Variants in RGS12 observed in about 807,000 individuals in gnomAD.
The protein encoded by RGS12 is regulator of G-protein signaling 12.
RGS12 carries 66 observed loss-of-function variants against 120.1 expected under a neutral mutation model. The ratio of observed to expected loss-of-function variants is 0.55; its 90% CI spans 0.45 to 0.67. The LOEUF (loss-of-function observed/expected upper bound fraction) is 0.67. Ranked by LOEUF, RGS12 falls within the 30% of genes least tolerant of loss-of-function variation. The pLI, the probability that RGS12 is intolerant of heterozygous loss-of-function variation, is 0.00. For synonymous variants in RGS12, 827 were observed against 804.7 expected (o/e 1.03, Z -0.47); for missense variants, 1,859 against 1,957.7 (o/e 0.95, Z 0.95).
intron 1 of RGS12, among the ~76,000 whole-genome samples, chr4:3,309,412 C>T (rs1236573167): frequency 7.2e-6 from 1 of 137,966 alleles, no homozygotes; most frequent in Admixed American, 7.2e-5. Flanking sequence ...TGGCAGGTGT[C>T]CGCTGAGGGG....
rs1389923750 is a variant in RGS12 at position 3,365,805 on chromosome 4, T to C, written c.1999-20611T>C. 6.6e-6 allele frequency among the ~76,000 whole-genome samples: 1 copy of C among 152,186 alleles called. No individual in the cohort carries two copies. Among genetic ancestry groups the C allele is most frequent in the Non-Finnish European group, 1.5e-5 (1 of 68,020 alleles). On this transcript the variant is annotated intron_variant, in intron 3 of 17. Transcript: ENST00000336727. The surrounding 1 kb of genome is among the most constrained non-coding windows in gnomAD (Gnocchi z 4.0). Reference sequence around the variant, plus strand: ...CAGTCTGCTTTTTAAACCCATTATATGGGAAATTTTCTGAACTGTCCTTAA... The same window carrying C: ...CAGTCTGCTTTTTAAACCCATTATACGGGAAATTTTCTGAACTGTCCTTAA...
chr4:3,357,874 T>C (rs1432584606), intron 3 of RGS12, among the ~76,000 whole-genome samples: 1 of 152,180 alleles, frequency 6.6e-6, no homozygotes, highest in Non-Finnish European at 1.5e-5. Flanking sequence ...GGATGGGTTT[T>C]TCTATTTCTG....
intron 3 of RGS12, among the ~76,000 whole-genome samples, chr4:3,378,009 T>C (rs987501615): frequency 4.6e-5 from 7 of 152,226 alleles, no homozygotes; most frequent in Admixed American, 6.5e-5. Context: ...GGCTTTGTTT[T>C]TGTGGCTGTA....
At chr4:3,394,382 C>T (rs549655751) in intron 4 of RGS12, among the ~76,000 whole-genome samples, 116 of 152,228 alleles carry the variant, frequency 7.6e-4, no homozygotes, top group African/African-American at 2.8e-3. Flanking sequence ...AGGCTGGTCT[C>T]GAACTCCTGA....
intron 4 of RGS12, among the ~76,000 whole-genome samples, chr4:3,411,681 C>T (rs556455875): frequency 1.3e-5 from 2 of 152,370 alleles, no homozygotes; most frequent in East Asian, 3.9e-4. Context: ...TCCAAGGACC[C>T]CTGCCCCAGA....
At chr4:3,323,272 A>C (rs1393100286) in intron 2 of RGS12, among the ~76,000 whole-genome samples, 2 of 152,192 alleles carry the variant, frequency 1.3e-5, no homozygotes, top group Non-Finnish European at 2.9e-5. Flanking sequence ...GTGGGTGCTC[A>C]TCATCTCATT....
At chr4:3,288,913 C>T (rs911103938), upstream of RGS12, among the ~76,000 whole-genome samples, 2 of 152,178 alleles carry the variant, frequency 1.3e-5, no homozygotes, top group Admixed American at 6.5e-5. The surrounding 1 kb of genome is among the most constrained non-coding windows in gnomAD (Gnocchi z 5.2). Flanking sequence ...CCCACCCCTA[C>T]GAGCCCCATT....
chr4:3,309,769 G>A lies in RGS12; in HGVS notation c.-101-6301G>A, dbSNP rs1206014220. ...CTGAGCAGGAGAGGAGCTGGGACTC[G>A]GGAATGGCAGGTGTCTGCTGAGGGG... On this transcript the variant is annotated intron_variant, in intron 1 of 17. Transcript: ENST00000336727. Among the ~76,000 whole-genome samples the A allele has an allele frequency of 3.5e-5, 5 of 142,090 alleles. No individual in the cohort carries two copies. The South Asian group carries it at 7.1e-4, about 20-fold the overall frequency. 93.2% of individuals were successfully genotyped at this position (142,090 alleles called of 152,430 possible).
intron 3 of RGS12, 190 bp from the exon 4 acceptor site, chr4:3,386,226 G>C: frequency 3.2e-6 from 2 of 624,078 alleles, no homozygotes; most frequent in East Asian, 2.7e-5. Context: ...GTGTCACCTA[G>C]TTTGGGCGGA....
chr4:3,358,951 C>T lies in RGS12; in HGVS notation c.1998+15898C>T, dbSNP rs114027167. On this transcript the variant is annotated intron_variant, in intron 3 of 17. Coordinates refer to ENST00000336727, the MANE Select transcript of RGS12 (RefSeq NM_001394154.1). The stretch of plus-strand genomic sequence containing the variant: ...CCTCCTCCTCCCCTTCCTCCCCCTC[C>T]CCTTCTTCCTCCTCCTCCCCTCCTC... 5.9e-3 allele frequency among the ~76,000 whole-genome samples: 458 copies of T among 77,228 alleles called. 12 individuals are homozygous for T. Among genetic ancestry groups the T allele is most frequent in the African/African-American group, 0.024 (407 of 17,092 alleles). The allele number at this position is 77,228 out of a possible 152,430, so 50.7% of individuals were successfully genotyped here.
chr4:3,311,909 C>T (rs1724425819), intron 1 of RGS12, among the ~76,000 whole-genome samples: 4 of 152,304 alleles, frequency 2.6e-5, no homozygotes, highest in South Asian at 2.1e-4. Context: ...TGGGGACCTT[C>T]GTGTCACATC....
At chr4:3,293,414 C>G (rs914350339) in intron 1 of RGS12, among the ~76,000 whole-genome samples, 23 of 148,194 alleles carry the variant, frequency 1.6e-4, no homozygotes, top group Middle Eastern at 6.8e-3. Flanking sequence ...TGAGGCCCGC[C>G]CGGGCCCTTG....
chr4:3,437,881 G>A (rs1006528271), intron 17 of RGS12, among the ~76,000 whole-genome samples: 11 of 152,294 alleles, frequency 7.2e-5, no homozygotes, highest in South Asian at 4.1e-4. Context: ...CCTTCCGCCC[G>A]CAGCCCGGAC....
In RGS12 at chr4:3,396,723, T is replaced by G. The variant is rs370106382; in HGVS notation, c.2020+10286T>G. 1.3e-4 allele frequency among the ~76,000 whole-genome samples: 20 copies of G among 152,340 alleles called. No homozygotes were observed. The East Asian group carries it at 3.3e-3, about 25-fold the overall frequency. ...CATTTTGCTTGTCTTTAAGATTGCC[T>G]TGGTTATTCCTGGCCCTTGCATTTC... is the stretch of plus-strand genomic sequence containing the variant. On this transcript the variant is annotated intron_variant, in intron 4 of 17. Transcript: ENST00000336727.
chr4:3,298,119 G>C (rs1243304677), intron 1 of RGS12, among the ~76,000 whole-genome samples: 1 of 152,066 alleles, frequency 6.6e-6, no homozygotes, highest in African/African-American at 2.4e-5. Context: ...TCATAGAAGC[G>C]GCTCTTTTCC....
intron 2 of RGS12, among the ~76,000 whole-genome samples, chr4:3,323,297 C>A (rs571621065): frequency 6.6e-6 from 1 of 152,350 alleles, no homozygotes; most frequent in South Asian, 2.1e-4. Flanking sequence ...ACCATTTGTT[C>A]ATGACGACAT....
chr4:3,380,453 A>C (rs1219584283), intron 3 of RGS12, among the ~76,000 whole-genome samples: 2 of 151,858 alleles, frequency 1.3e-5, no homozygotes, highest in Admixed American at 6.6e-5. Context: ...CCCAGTGGGG[A>C]CTCTGTGTGG....
At chr4:3,342,886 A>G (rs750852665) in intron 2 of RGS12, 51 bp from the exon 3 acceptor site, 1 of 1,248,384 alleles carries the variant, frequency 8.0e-7, no homozygotes, top group African/African-American at 1.5e-5. Context: ...GGACAAGACT[A>G]AACATCTCTT....
In RGS12 at chr4:3,372,613, G is replaced by A. The variant is rs144766285; in HGVS notation, c.1999-13803G>A. 6.6e-6 allele frequency among the ~76,000 whole-genome samples: 1 copy of A among 152,226 alleles called. No homozygotes were observed. The highest frequency in any genetic ancestry group is 1.5e-5 in the Non-Finnish European group (1 of 68,038). On this transcript the variant is annotated intron_variant, in intron 3 of 17. Coordinates refer to ENST00000336727, the MANE Select transcript of RGS12 (RefSeq NM_001394154.1). This position sits in a 1 kb window ranked among gnomAD's most constrained non-coding sequence, Gnocchi z 4.3. ...CCTGTGTGGCCGGCATGGAGGTGGCGGCGGCCATCAGGGTGTGGTTTTGTG... is the reference window on the plus strand; with the variant it reads ...CCTGTGTGGCCGGCATGGAGGTGGCAGCGGCCATCAGGGTGTGGTTTTGTG...
Sources: allele counts gnomAD v4.1 joint callset (sites outside exome capture counted in the v4.1 genomes callset), GRCh38; gene constraint gnomAD v4.1.1; non-coding constraint Gnocchi (gnomAD v3.1); transcripts MANE v1.5; gene names NCBI Gene and HGNC (gene_info 2026-07-23, HGNC 2026-07-21).